The following ZNF883 variants were observed in gnomAD, a reference collection of about 807,000 sequenced individuals.
ZNF883 encodes the protein zinc finger protein 883.
upstream of ZNF883, among the ~76,000 whole-genome samples, chr9:112,999,404 T>C (rs574170402): frequency 5.6e-4 from 85 of 152,256 alleles, no homozygotes; most frequent in African/African-American, 1.8e-3. Context: ...TTCTGACCAA[T>C]TCTCCAACTC....
At chr9:113,005,414 G>C (rs1007688988) in intron 2 of ZNF883, among the ~76,000 whole-genome samples, 2 of 152,102 alleles carry the variant, frequency 1.3e-5, no homozygotes, top group Non-Finnish European at 2.9e-5. Context: ...TATACAAAAA[G>C]ATTTTCAAGC....
chr9:113,000,059 A>G (rs1373012172), upstream of ZNF883, among the ~76,000 whole-genome samples: 1 of 152,178 alleles, frequency 6.6e-6, no homozygotes, highest in Non-Finnish European at 1.5e-5. Context: ...AGATATTCCT[A>G]TCACTCAGGA....
At chr9:112,988,919 C>A (rs1378845689) in intron 1 of ZNF883, among the ~76,000 whole-genome samples, 2 of 151,982 alleles carry the variant, frequency 1.3e-5, no homozygotes, top group Non-Finnish European at 2.9e-5. Flanking sequence ...TTGTTCACCA[C>A]ATAAATGTCT....
At chr9:112,996,608 G>A (rs1027283795), downstream of ZNF883, among the ~76,000 whole-genome samples, 8 of 150,152 alleles carry the variant, frequency 5.3e-5, no homozygotes, top group Non-Finnish European at 7.4e-5. Flanking sequence ...TGGCTAACAC[G>A]GTGAAACCCC....
downstream of ZNF883, among the ~76,000 whole-genome samples, chr9:112,995,472 T>C (rs35112778): frequency 0.084 from 12,707 of 151,744 alleles, 644 homozygotes; most frequent in Non-Finnish European, 0.11. Flanking sequence ...TCCCTCTCTC[T>C]CCCTTCCTCC....
upstream of ZNF883, among the ~76,000 whole-genome samples, chr9:113,003,233 T>A (rs543840932): frequency 6.6e-6 from 1 of 152,150 alleles, no homozygotes; most frequent in Non-Finnish European, 1.5e-5. Flanking sequence ...TGAGTTCTGA[T>A]GGTTTTATAA....
intron 2 of ZNF883, among the ~76,000 whole-genome samples, chr9:113,006,631 T>G (rs900602636): frequency 2.6e-5 from 4 of 152,156 alleles, no homozygotes; most frequent in African/African-American, 9.7e-5. Flanking sequence ...GAAGTAGGAT[T>G]CAAGTCATTA....
rs58189786 is a variant in ZNF883 at position 113,009,248 on chromosome 9, T to C, written n.165+1893A>G. ...CACCGAACACCATCACCTCCTACGT[T>C]TTCTCTTCTCATTCAGCATAAAAGC... On this transcript the variant is annotated intron_variant and non_coding_transcript_variant, in intron 2 of 4. Transcript: ENST00000638622. 3.9e-5 allele frequency among the ~76,000 whole-genome samples: 6 copies of C among 152,190 alleles called. No individual in the cohort carries two copies. The East Asian group carries it at 1.2e-3, about 29-fold the overall frequency.
downstream of ZNF883, chr9:112,997,085 T>C: frequency 6.6e-7 from 1 of 1,518,706 alleles, no homozygotes; most frequent in Non-Finnish European, 8.8e-7. Context: ...GTGTAAACAA[T>C]AACCTACGAC....
upstream of ZNF883, among the ~76,000 whole-genome samples, chr9:113,003,040 CCT>C (rs1828441465): frequency 6.6e-6 from 1 of 152,246 alleles, no homozygotes; most frequent in South Asian, 2.1e-4. Flanking sequence ...TATAAATTGC[CCT>C]GTCTCAGGTA....
At chr9:112,995,545 C>T (rs1282630442), downstream of ZNF883, among the ~76,000 whole-genome samples, 1 of 151,484 alleles carries the variant, frequency 6.6e-6, no homozygotes, top group Non-Finnish European at 1.5e-5. Context: ...TCCTTTCTCT[C>T]TCTCTCCATT....
At chr9:112,990,814 G>T (rs78961753) in intron 1 of ZNF883, among the ~76,000 whole-genome samples, 6,156 of 151,984 alleles carry the variant, frequency 0.041, 411 homozygotes, top group African/African-American at 0.14. Context: ...GTCTATTCAG[G>T]GGTTCAACTT....
At chr9:112,996,264 A>G (rs924166452), downstream of ZNF883, among the ~76,000 whole-genome samples, 3 of 152,178 alleles carry the variant, frequency 2.0e-5, no homozygotes, top group Non-Finnish European at 4.4e-5. Flanking sequence ...TTGTAACCAT[A>G]TATATAGTCC....
chr9:112,992,625 G>A (rs1375527061), downstream of ZNF883, among the ~76,000 whole-genome samples: 1 of 152,176 alleles, frequency 6.6e-6, no homozygotes, highest in Non-Finnish European at 1.5e-5. Flanking sequence ...ACGTTGGCTT[G>A]TCTTGTTAGG....
At chr9:112,995,276 T>G (rs1197529110), downstream of ZNF883, among the ~76,000 whole-genome samples, 1 of 152,162 alleles carries the variant, frequency 6.6e-6, no homozygotes, top group African/African-American at 2.4e-5. Context: ...GCCTGCAGAC[T>G]CAAACTGGAA....
rs1828541581 is a variant in ZNF883 at position 113,011,813 on chromosome 9, C to T, written n.78+337G>A. 2.0e-5 allele frequency among the ~76,000 whole-genome samples: 3 copies of T among 152,290 alleles called. No individual in the cohort carries two copies. In the South Asian group the frequency reaches 6.2e-4, roughly 32 times the overall value. ...TGCCCCTCCCCAGATAAACTGCCCC[C>T]CATCACAGTCAAAGCAAGGCCCAAA... is the stretch of plus-strand genomic sequence containing the variant. On this transcript the variant is annotated intron_variant and non_coding_transcript_variant, in intron 1 of 4. Transcript: ENST00000638622.
At chr9:112,996,620 T>C (rs1007112697), downstream of ZNF883, among the ~76,000 whole-genome samples, 25 of 149,216 alleles carry the variant, frequency 1.7e-4, no homozygotes, top group African/African-American at 6.2e-4. Context: ...TGAAACCCCG[T>C]CTCTACTAAA....
chr9:112,997,490 C>T (rs1483545595), exon 1 of ZNF883: 2 of 1,614,140 alleles, frequency 1.2e-6, no homozygotes, highest in Non-Finnish European at 1.7e-6. Flanking sequence ...AGTATGAGTT[C>T]TCTGGTGTTC....
intron 2 of ZNF883, among the ~76,000 whole-genome samples, chr9:113,010,638 T>A (rs1023692227): frequency 2.0e-5 from 3 of 152,166 alleles, no homozygotes; most frequent in Non-Finnish European, 4.4e-5. Flanking sequence ...CGTATACATA[T>A]TTCAAAACAA....
Sources: gnomAD v4.1 joint callset for allele counts (sites outside exome capture counted in the v4.1 genomes callset) on GRCh38, gnomAD v4.1.1 for gene constraint, MANE v1.5 for transcripts, NCBI Gene and HGNC (gene_info 2026-07-23, HGNC 2026-07-21) for gene names.